INO80D: variants seen among roughly 807,000 people sequenced by gnomAD.
INO80D encodes INO80 complex subunit D.
INO80D carries 21 observed loss-of-function variants against 87.6 expected under a neutral mutation model. The observed-to-expected ratio is 0.24, with a 90% confidence interval of 0.17 to 0.35. INO80D has a LOEUF of 0.35. INO80D is among the 10% of genes least tolerant of loss of function. INO80D has a pLI of 1.00. For missense variants in INO80D, 982 were observed against 1,280.7 expected, an observed-to-expected ratio of 0.77 and a Z score of 3.56; for synonymous variants, 440 against 491.0, an observed-to-expected ratio of 0.90 and a Z score of 1.37.
At chr2:206,083,482 ATAAACT>A (rs1690339653) in intron 1 of INO80D, among the ~76,000 whole-genome samples, 1 of 152,218 alleles carries the variant, frequency 6.6e-6, no homozygotes, top group Non-Finnish European at 1.5e-5. Context: ...CAATTAATCA[ATAAACT>A]TAAAACAACC....
At position 206,056,277 on chromosome 2, in the gene INO80D, T is replaced by C. The variant is rs1403298279; in HGVS notation, c.885A>G (p.Ser295=). ...CCAGTCTCTGCAGTCGGCTTATACA[T>C]GAGAAGTGTGGAGAGAAGGCTGTGG... ...MKATAFSPHF[S]CISRLQRLVK... Residue 295 remains serine, a synonymous_variant, in exon 4 of 11, where the codon TCA becomes TCG. Transcript: ENST00000403263. The C allele has an allele frequency of 1.9e-6, 3 of 1,613,846 alleles. No individual in the cohort carries two copies. Among genetic ancestry groups the C allele is most frequent in the Admixed American group, 3.3e-5 (2 of 60,002 alleles).
intron 5 of INO80D, among the ~76,000 whole-genome samples, chr2:206,042,093 C>T (rs1311948192): frequency 6.6e-6 from 1 of 152,142 alleles, no homozygotes; most frequent in African/African-American, 2.4e-5. Flanking sequence ...AATCATGCCA[C>T]TGCACTCCAG....
intron 1 of INO80D, among the ~76,000 whole-genome samples, chr2:206,066,235 G>A (rs1002290309): frequency 1.1e-4 from 17 of 152,006 alleles, no homozygotes; most frequent in African/African-American, 4.1e-4. Flanking sequence ...TCCAGCCTGT[G>A]ATGGAGCGAG....
intron 8 of INO80D, among the ~76,000 whole-genome samples, chr2:206,014,050 C>T (rs576625602): frequency 7.3e-5 from 11 of 150,516 alleles, no homozygotes; most frequent in East Asian, 3.9e-4. Context: ...TCCAGCTACT[C>T]GGGAGGTTGA....
intron 1 of INO80D, among the ~76,000 whole-genome samples, chr2:206,075,061 CT>C (rs1303383931): frequency 9.0e-6 from 1 of 111,136 alleles, no homozygotes; most frequent in Non-Finnish European, 1.9e-5. Flanking sequence ...AAAAATTCCT[CT>C]TTGATATTAT....
intron 5 of INO80D, among the ~76,000 whole-genome samples, chr2:206,042,680 C>CAAA (rs55655831): frequency 0.14 from 17,586 of 125,874 alleles, 1,411 homozygotes; most frequent in Middle Eastern, 0.2. Flanking sequence ...GACTTTGTCT[C>CAAA]AAAAAAAAAA....
chr2:206,065,832 G>A (rs187612506), intron 1 of INO80D, among the ~76,000 whole-genome samples: 14 of 152,192 alleles, frequency 9.2e-5, no homozygotes, highest in South Asian at 6.2e-4. Context: ...ATCAAAATTG[G>A]GGTAAGGTAT....
In INO80D at chr2:205,995,760, T is replaced by C. The variant is rs1422074520; in HGVS notation, c.*8608A>G. The C allele has an allele frequency of 6.6e-6, 1 of 152,086 alleles. No individual in the cohort carries two copies. The highest frequency in any genetic ancestry group is 1.9e-4 in the East Asian group (1 of 5,194). 9.4% of individuals were successfully genotyped at this position (152,086 alleles called of 1,614,324 possible). Reference sequence around the variant, plus strand: ...TAGGGATGCAAGTTTTCTAGAGAGCTGCAGCAAAGTTAATACAGAATGTCA... The same window carrying C: ...TAGGGATGCAAGTTTTCTAGAGAGCCGCAGCAAAGTTAATACAGAATGTCA... On this transcript the variant is annotated 3_prime_UTR_variant, in exon 11 of 11. Transcript: ENST00000403263.
At chr2:206,083,778 G>C (rs78755746) in intron 1 of INO80D, among the ~76,000 whole-genome samples, 8 of 150,554 alleles carry the variant, frequency 5.3e-5, no homozygotes, top group African/African-American at 2.0e-4. Context: ...TGGGCAGAAT[G>C]TGGGACATCT....
chr2:206,047,301 C>CTCT (rs1689222364), intron 4 of INO80D, among the ~76,000 whole-genome samples: 1 of 152,102 alleles, frequency 6.6e-6, no homozygotes, highest in Non-Finnish European at 1.5e-5. Flanking sequence ...TCACTGCAAC[C>CTCT]TCTGCCTTCC....
intron 2 of INO80D, 45 bp from the exon 3 acceptor site, chr2:206,063,090 G>C: frequency 9.8e-7 from 1 of 1,016,432 alleles, no homozygotes; most frequent in South Asian, 1.4e-5. Context: ...ATAAATCAGA[G>C]AGTATAAGGC....
At chr2:206,040,495 C>G in intron 5 of INO80D, 1 of 214,860 alleles carries the variant, frequency 4.7e-6, no homozygotes, top group Admixed American at 4.3e-5. Context: ...TCTGGCTGAA[C>G]ACAAAGCTGT....
At chr2:206,032,433 C>G (rs184820666) in intron 5 of INO80D, among the ~76,000 whole-genome samples, 1 of 152,280 alleles carries the variant, frequency 6.6e-6, no homozygotes, top group East Asian at 1.9e-4. Flanking sequence ...TCTCTGACAA[C>G]CTGTGTGATT....
At chr2:206,079,736 G>T (rs1028556925) in intron 1 of INO80D, among the ~76,000 whole-genome samples, 2 of 152,100 alleles carry the variant, frequency 1.3e-5, no homozygotes, top group Admixed American at 6.6e-5. Flanking sequence ...AAGACTTTCA[G>T]GGTCTGCTTG....
At position 206,085,498 on chromosome 2, in the gene INO80D, C is replaced by G. The variant is rs1163377282; in HGVS notation, c.-124+403G>C. Reference sequence around the variant, plus strand: ...CAGCGCCGCCGTCCCACCCGGAGACCCCGGGGGACTCGAGGGGGCGCGCGG... The same window carrying G: ...CAGCGCCGCCGTCCCACCCGGAGACGCCGGGGGACTCGAGGGGGCGCGCGG... On this transcript the variant is annotated intron_variant, in intron 1 of 10. Coordinates refer to ENST00000403263, the MANE Select transcript of INO80D (RefSeq NM_017759.5). This position sits in a 1 kb window ranked among gnomAD's most constrained non-coding sequence, Gnocchi z 4.5. The G allele has an allele frequency of 6.6e-6, 1 of 151,062 alleles. No individual in the cohort carries two copies. The highest frequency in any genetic ancestry group is 1.5e-5 in the Non-Finnish European group (1 of 67,682). 9.4% of individuals were successfully genotyped at this position (151,062 alleles called of 1,614,324 possible).
intron 5 of INO80D, among the ~76,000 whole-genome samples, chr2:206,032,639 G>A (rs1688798090): frequency 6.6e-6 from 1 of 152,184 alleles, no homozygotes; most frequent in African/African-American, 2.4e-5. Context: ...AACCCTACAA[G>A]CTAGAAGGGA....
chr2:206,069,472 G>A (rs953786318), intron 1 of INO80D, among the ~76,000 whole-genome samples: 3 of 152,172 alleles, frequency 2.0e-5, no homozygotes, highest in African/African-American at 7.2e-5. Flanking sequence ...ATGGCCAAGT[G>A]TGGTGGCTCA....
chr2:206,061,212 A>G (rs1689682067), intron 3 of INO80D, among the ~76,000 whole-genome samples: 1 of 151,510 alleles, frequency 6.6e-6, no homozygotes, highest in African/African-American at 2.4e-5. Flanking sequence ...GGGTTTTGTC[A>G]TGTTGCTCAG....
intron 1 of INO80D, among the ~76,000 whole-genome samples, chr2:206,072,429 C>A (rs1392814990): frequency 1.3e-5 from 2 of 151,938 alleles, no homozygotes; most frequent in East Asian, 3.9e-4. Flanking sequence ...GCGCCCGCCA[C>A]CACGCCCAGC....
Sources: allele counts gnomAD v4.1 joint callset (sites outside exome capture counted in the v4.1 genomes callset), GRCh38; gene constraint gnomAD v4.1.1; non-coding constraint Gnocchi (gnomAD v3.1); transcripts MANE v1.5; gene names NCBI Gene and HGNC (gene_info 2026-07-23, HGNC 2026-07-21).